Variants in C1orf94 observed in about 807,000 individuals in gnomAD.
C1orf94 encodes the protein chromosome 1 open reading frame 94, also known as uncharacterized protein C1orf94.
A neutral mutation model predicts 53.6 loss-of-function variants in C1orf94; 45 were observed. The observed-to-expected ratio is 0.84, with a 90% confidence interval of 0.66 to 1.08. The LOEUF is 1.08. Ranked by LOEUF, C1orf94 falls within the 50% of genes least tolerant of loss-of-function variation. C1orf94 has a pLI of 0.00. For missense variants in C1orf94, 762 were observed against 738.9 expected, an observed-to-expected ratio of 1.03 and a Z score of -0.36; for synonymous variants, 304 against 296.1, an observed-to-expected ratio of 1.03 and a Z score of -0.27.
rs558189186 is a variant in C1orf94 at position 34,177,247 on chromosome 1, G to C, written c.-543G>C. Reference sequence around the variant, plus strand: ...AGGACCTGGGCCGGGGGTGGGAGTCGGGCCGTTGACGCTCGCTCTGCGAGG... The same window carrying C: ...AGGACCTGGGCCGGGGGTGGGAGTCCGGCCGTTGACGCTCGCTCTGCGAGG... On this transcript the variant is annotated 5_prime_UTR_variant, in exon 1 of 7. Coordinates refer to ENST00000488417, the MANE Select transcript of C1orf94 (RefSeq NM_001134734.2). Among the ~76,000 whole-genome samples the C allele has an allele frequency of 3.9e-5, 6 of 152,170 alleles. No individual in the cohort carries two copies. Among genetic ancestry groups the C allele is most frequent in the African/African-American group, 1.2e-4 (5 of 41,452 alleles).
At chr1:34,167,522 T>C (rs945727544) in intron 1 of C1orf94, among the ~76,000 whole-genome samples, 1 of 152,182 alleles carries the variant, frequency 6.6e-6, no homozygotes, top group Non-Finnish European at 1.5e-5. Flanking sequence ...GCAGGGCACC[T>C]ATTTTATCCC....
chr1:34,191,488 A>G (rs1478932), intron 1 of C1orf94, among the ~76,000 whole-genome samples: 51,647 of 151,646 alleles, frequency 0.34, 10,648 homozygotes, highest in African/African-American at 0.58. Flanking sequence ...CTCTTAACTA[A>G]TATGCTGTGC....
chr1:34,174,260 T>C (rs773727101), upstream of C1orf94, among the ~76,000 whole-genome samples: 1 of 152,248 alleles, frequency 6.6e-6, no homozygotes, highest in Admixed American at 6.5e-5. Context: ...AAGGCATGCA[T>C]TTCAGTGTAA....
At chr1:34,172,431 C>T (rs533037768), upstream of C1orf94, among the ~76,000 whole-genome samples, 65 of 152,314 alleles carry the variant, frequency 4.3e-4, no homozygotes, top group African/African-American at 1.5e-3. Flanking sequence ...GAGAAGTTCA[C>T]GTGCATTTCC....
chr1:34,206,050 C>T (rs911967219), intron 4 of C1orf94, among the ~76,000 whole-genome samples: 1 of 152,200 alleles, frequency 6.6e-6, no homozygotes, highest in East Asian at 1.9e-4. Context: ...GAGTGTGGCA[C>T]CATCTCCTGA....
At chr1:34,172,748 C>T (rs1483259028), upstream of C1orf94, among the ~76,000 whole-genome samples, 1 of 152,226 alleles carries the variant, frequency 6.6e-6, no homozygotes, top group Non-Finnish European at 1.5e-5. Flanking sequence ...TTTCAAAGTC[C>T]TAGAAATGGC....
intron 1 of C1orf94, among the ~76,000 whole-genome samples, chr1:34,186,276 G>C (rs1326099294): frequency 6.6e-6 from 1 of 152,184 alleles, no homozygotes; most frequent in East Asian, 1.9e-4. Flanking sequence ...AATGGGAAAA[G>C]TCACAGCGAC....
intron 6 of C1orf94, among the ~76,000 whole-genome samples, chr1:34,215,091 C>G (rs1377919114): frequency 6.6e-6 from 1 of 152,174 alleles, no homozygotes; most frequent in Non-Finnish European, 1.5e-5. Flanking sequence ...AACAGGCAAG[C>G]ATGCAAGGCC....
chr1:34,171,821 C>T (rs1014520507), intron 1 of C1orf94, among the ~76,000 whole-genome samples: 4 of 152,184 alleles, frequency 2.6e-5, no homozygotes, highest in African/African-American at 9.7e-5. Context: ...TGCCACCCGA[C>T]GTGTTTCCAT....
chr1:34,192,026 T>G (rs1184804363), intron 1 of C1orf94, among the ~76,000 whole-genome samples: 1 of 152,174 alleles, frequency 6.6e-6, no homozygotes, highest in Non-Finnish European at 1.5e-5. Flanking sequence ...CTGACTTGCT[T>G]CTTTTGTCAG....
chr1:34,173,344 T>C (rs957119587), upstream of C1orf94, among the ~76,000 whole-genome samples: 2 of 152,220 alleles, frequency 1.3e-5, no homozygotes, highest in African/African-American at 2.4e-5. Context: ...GTTTAAAATA[T>C]GTTAGATGAG....
upstream of C1orf94, among the ~76,000 whole-genome samples, chr1:34,173,189 A>G (rs1283353423): frequency 6.6e-6 from 1 of 152,254 alleles, no homozygotes; most frequent in Non-Finnish European, 1.5e-5. Context: ...TTTCTCGAGT[A>G]GGCACTAAGA....
At chr1:34,203,419 A>T (rs999221168) in intron 4 of C1orf94, among the ~76,000 whole-genome samples, 3 of 151,988 alleles carry the variant, frequency 2.0e-5, no homozygotes, top group African/African-American at 7.3e-5. Flanking sequence ...GAGCCACCGC[A>T]CCCGGCCCTC....
At chr1:34,210,660 G>T (rs1016888956) in intron 5 of C1orf94, among the ~76,000 whole-genome samples, 7 of 143,880 alleles carry the variant, frequency 4.9e-5, no homozygotes, top group Non-Finnish European at 9.2e-5. Context: ...TTTGTGGATT[G>T]TTTTTTTTTT....
intron 2 of C1orf94, among the ~76,000 whole-genome samples, chr1:34,199,715 T>A (rs1642664999): frequency 6.6e-6 from 1 of 152,204 alleles, no homozygotes; most frequent in African/African-American, 2.4e-5. Context: ...CCAAAGTATG[T>A]CTGCATTGGG....
chr1:34,195,782 GT>G (rs1642569435), intron 1 of C1orf94, among the ~76,000 whole-genome samples: 22 of 72,154 alleles, frequency 3.0e-4, no homozygotes, highest in African/African-American at 1.8e-3. Flanking sequence ...GTTCGTGGGT[GT>G]GTGTGTGTGT....
At chr1:34,169,285 T>G (rs1489135253) in intron 1 of C1orf94, among the ~76,000 whole-genome samples, 1 of 152,166 alleles carries the variant, frequency 6.6e-6, no homozygotes, top group Non-Finnish European at 1.5e-5. Flanking sequence ...TACCCGCATC[T>G]AGCCTAGGAG....
At chr1:34,188,125 A>G (rs951882596) in intron 1 of C1orf94, among the ~76,000 whole-genome samples, 4 of 152,098 alleles carry the variant, frequency 2.6e-5, no homozygotes, top group Non-Finnish European at 4.4e-5. Flanking sequence ...CTGAATTGCT[A>G]TTTCTCCAAG....
Position 34,198,000 on chromosome 1 carries a change from A to C in C1orf94, c.1009+87A>C. On this transcript the variant is annotated intron_variant, in intron 2 of 6. Transcript: ENST00000488417. The surrounding 1 kb of genome is among the most constrained non-coding windows in gnomAD (Gnocchi z 4.1). ...CAATCAGGGCTGCAGCATGTACATA[A>C]AGCATCTTCATGCAAAGCAAGACAA... 2 of 1,323,762 alleles carry C rather than the reference A, an allele frequency of 1.5e-6. No homozygotes were observed. The highest frequency in any genetic ancestry group is 2.1e-6 in the Non-Finnish European group (2 of 972,342). 82.0% of individuals were successfully genotyped at this position (1,323,762 alleles called of 1,614,324 possible).
Sources: allele counts gnomAD v4.1 joint callset (sites outside exome capture counted in the v4.1 genomes callset), GRCh38; gene constraint gnomAD v4.1.1; non-coding constraint Gnocchi (gnomAD v3.1); transcripts MANE v1.5; gene names NCBI Gene and HGNC (gene_info 2026-07-23, HGNC 2026-07-21).